NREP: variants seen among roughly 807,000 people sequenced by gnomAD.
The protein encoded by NREP is neuronal regeneration related protein, also known as neuronal regeneration-related protein.
A neutral mutation model predicts 8.6 loss-of-function variants in NREP; 5 were observed. The ratio of observed to expected loss-of-function variants is 0.58; its 90% CI spans 0.30 to 1.22. The LOEUF (loss-of-function observed/expected upper bound fraction) is 1.22. Ranked by LOEUF, NREP falls within the 50% of genes most tolerant of loss-of-function variation. NREP has a pLI of 0.07. For synonymous variants in NREP, 27 were observed against 28.0 expected (o/e 0.96, Z 0.11); for missense variants, 86 against 82.5 (o/e 1.04, Z -0.17).
At chr5:111,858,778 C>G (rs1753481351) in intron 2 of NREP, among the ~76,000 whole-genome samples, 1 of 152,088 alleles carries the variant, frequency 6.6e-6, no homozygotes, top group Admixed American at 6.6e-5. Context: ...AAGGCTAGAA[C>G]TTGATCTGGC....
intron 2 of NREP, among the ~76,000 whole-genome samples, chr5:111,826,433 C>G (rs1234148058): frequency 1.3e-5 from 2 of 152,176 alleles, no homozygotes; most frequent in African/African-American, 4.8e-5. Context: ...GTCTGCACTG[C>G]ATTTATGAGC....
At chr5:111,871,347 T>TA (rs1003837539) in intron 2 of NREP, among the ~76,000 whole-genome samples, 8 of 152,042 alleles carry the variant, frequency 5.3e-5, no homozygotes, top group Non-Finnish European at 1.0e-4. Flanking sequence ...ATAAAAGATT[T>TA]AAAAAATTGT....
intron 2 of NREP, among the ~76,000 whole-genome samples, chr5:111,912,204 T>C (rs1271822332): frequency 6.6e-6 from 1 of 152,072 alleles, no homozygotes; most frequent in Non-Finnish European, 1.5e-5. Flanking sequence ...AGTATTTTCC[T>C]TGCACCCTTT....
chr5:111,906,964 T>C (rs1394068723), intron 2 of NREP, among the ~76,000 whole-genome samples: 1 of 152,112 alleles, frequency 6.6e-6, no homozygotes, highest in Non-Finnish European at 1.5e-5. Flanking sequence ...AGACAGAGTT[T>C]CGTGTTGTTG....
chr5:111,870,781 T>C (rs1581177589), intron 2 of NREP, among the ~76,000 whole-genome samples: 2 of 152,088 alleles, frequency 1.3e-5, no homozygotes, highest in East Asian at 1.9e-4. Flanking sequence ...ATTGGAGATA[T>C]GCAGCTGCAA....
chr5:111,806,087 GTGTTA>G (rs1752134690), intron 2 of NREP, among the ~76,000 whole-genome samples: 1 of 152,090 alleles, frequency 6.6e-6, no homozygotes, highest in Non-Finnish European at 1.5e-5. Context: ...AAGTGTTATT[GTGTTA>G]TTCTTGCCTC....
At chr5:111,882,598 C>G (rs1433654601) in intron 2 of NREP, among the ~76,000 whole-genome samples, 5 of 152,128 alleles carry the variant, frequency 3.3e-5, no homozygotes, top group African/African-American at 1.2e-4. Flanking sequence ...GGGTTACCCA[C>G]AAAGGGAAGC....
At chr5:111,822,361 A>G (rs925453164) in intron 2 of NREP, among the ~76,000 whole-genome samples, 7 of 152,386 alleles carry the variant, frequency 4.6e-5, no homozygotes, top group African/African-American at 1.7e-4. Flanking sequence ...GAGACTGAGA[A>G]GCTGAGAAGA....
intron 2 of NREP, among the ~76,000 whole-genome samples, chr5:111,953,832 A>G (rs984824693): frequency 6.6e-6 from 1 of 152,136 alleles, no homozygotes; most frequent in Non-Finnish European, 1.5e-5. Context: ...GTAGACAAAG[A>G]AAGGCACAAC....
chr5:111,743,908 T>C (rs769359571), intron 2 of NREP, among the ~76,000 whole-genome samples: 1 of 152,160 alleles, frequency 6.6e-6, no homozygotes, highest in Non-Finnish European at 1.5e-5. Flanking sequence ...TAAAATCTTA[T>C]GAAAATTTTC....
intron 2 of NREP, among the ~76,000 whole-genome samples, chr5:111,855,197 T>C (rs1753399312): frequency 6.6e-6 from 1 of 152,194 alleles, no homozygotes; most frequent in South Asian, 2.1e-4. Flanking sequence ...AAGGGTCAGG[T>C]AGACTAATGG....
intron 2 of NREP, among the ~76,000 whole-genome samples, chr5:111,809,873 GT>G (rs1752231619): frequency 5.7e-5 from 1 of 17,408 alleles, no homozygotes; most frequent in Non-Finnish European, 1.6e-4. Context: ...ACTTTGGCGT[GT>G]GTGTGTGTGT....
intron 2 of NREP, among the ~76,000 whole-genome samples, chr5:111,929,450 C>A (rs189821033): frequency 6.6e-6 from 1 of 152,336 alleles, no homozygotes; most frequent in African/African-American, 2.4e-5. Context: ...CAGCAAACCA[C>A]TTCTGCAGAG....
chr5:111,944,747 T>C (rs1755930041), intron 2 of NREP, among the ~76,000 whole-genome samples: 1 of 152,114 alleles, frequency 6.6e-6, no homozygotes, highest in Admixed American at 6.6e-5. Context: ...AGATTGGTAT[T>C]TTCAGCAATG....
At chr5:111,757,689 C>CG, upstream of NREP, 1 of 984,142 alleles carries the variant, frequency 1.0e-6, no homozygotes. Flanking sequence ...CGCGGCGCCC[C>CG]GGGGAGACAA....
chr5:111,753,333 T>TATATATATAC (rs1491033436), intron 2 of NREP, among the ~76,000 whole-genome samples: 3 of 7,698 alleles, frequency 3.9e-4, no homozygotes, highest in African/African-American at 4.8e-4. Context: ...GTTGATTTTA[T>TATATATATAC]ATATATATAT....
At chr5:111,777,010 G>T (rs373610793) in intron 2 of NREP, among the ~76,000 whole-genome samples, 1 of 98,606 alleles carries the variant, frequency 1.0e-5, no homozygotes, top group South Asian at 4.3e-4. Context: ...GAGGAGGAAG[G>T]AGGTGGAGGA....
chr5:111,917,430 C>G (rs1029013296), intron 2 of NREP, among the ~76,000 whole-genome samples: 4 of 152,140 alleles, frequency 2.6e-5, no homozygotes, highest in Non-Finnish European at 5.9e-5. Flanking sequence ...AGGCCAATAT[C>G]CCTGCTGAAC....
chr5:111,837,869 A>G (rs1752934193), intron 2 of NREP, among the ~76,000 whole-genome samples: 1 of 152,074 alleles, frequency 6.6e-6, no homozygotes, highest in Admixed American at 6.6e-5. Flanking sequence ...GAGGGTCGTC[A>G]CCTCATTCCA....
Sources: gnomAD v4.1 joint callset for allele counts (sites outside exome capture counted in the v4.1 genomes callset) on GRCh38, gnomAD v4.1.1 for gene constraint, MANE v1.5 for transcripts, NCBI Gene and HGNC (gene_info 2026-07-23, HGNC 2026-07-21) for gene names.